The following BABAM2 variants were observed in gnomAD, a reference collection of about 807,000 sequenced individuals.
BABAM2 encodes BRISC and BRCA1-A complex member 2.
Under a neutral mutation model 54.7 loss-of-function variants are expected in BABAM2, and 31 were observed. The observed-to-expected ratio is 0.57, with a 90% CI of 0.43 to 0.77. The LOEUF (loss-of-function observed/expected upper bound fraction) is 0.77, where lower values mean the gene tolerates loss of function less well. Ranked by LOEUF, BABAM2 falls within the 30% of genes least tolerant of loss-of-function variation. The pLI is 0.00. For missense variants in BABAM2, 364 were observed against 455.8 expected (o/e 0.80, Z 1.83); for synonymous variants, 167 against 162.9 (o/e 1.03, Z -0.19).
chr2:27,929,574 G>A (rs1667948945), intron 2 of BABAM2, among the ~76,000 whole-genome samples: 1 of 152,216 alleles, frequency 6.6e-6, no homozygotes, highest in Non-Finnish European at 1.5e-5. Context: ...TTTGAGAAAA[G>A]TAGTTGAAGC....
intron 4 of BABAM2, among the ~76,000 whole-genome samples, chr2:28,002,060 T>TG (rs1553409728): frequency 1.4e-5 from 2 of 140,084 alleles, no homozygotes; most frequent in Non-Finnish European, 1.5e-5. Context: ...ATCAAACAGG[T>TG]AAAAAAAAAA....
rs911040966 is a variant in BABAM2 at position 28,072,011 on chromosome 2, T to A, written c.570+26212T>A. ...CAAATCTGAAACTAAACATTTTTTT[T>A]AAACCTGGATTCTGTTTGTTTTGTT... is the stretch of plus-strand genomic sequence containing the variant. On this transcript the variant is annotated intron_variant, in intron 6 of 11. Coordinates refer to ENST00000379624, the MANE Select transcript of BABAM2 (RefSeq NM_199191.3). Among the ~76,000 whole-genome samples the A allele has an allele frequency of 3.3e-5, 5 of 152,188 alleles. No homozygotes were observed. The South Asian group carries it at 1.0e-3, about 32-fold the overall frequency.
chr2:28,244,442 A>G (rs2148077088), intron 9 of BABAM2, among the ~76,000 whole-genome samples: 1 of 109,964 alleles, frequency 9.1e-6, no homozygotes, highest in East Asian at 4.8e-4. Context: ...ACATTTGTAT[A>G]GTATTTTATG....
intron 5 of BABAM2, among the ~76,000 whole-genome samples, chr2:28,025,652 A>G (rs1409258613): frequency 6.6e-6 from 1 of 152,166 alleles, no homozygotes; most frequent in Non-Finnish European, 1.5e-5. Context: ...CCCCAGCCCC[A>G]GATATTCAGC....
intron 7 of BABAM2, among the ~76,000 whole-genome samples, chr2:28,145,435 A>G (rs1452578856): frequency 6.6e-6 from 1 of 152,182 alleles, no homozygotes; most frequent in South Asian, 2.1e-4. Context: ...AGAGATACCT[A>G]CTAAGGGCCA....
intron 7 of BABAM2, among the ~76,000 whole-genome samples, chr2:28,211,360 T>C (rs1207882537): frequency 1.3e-5 from 2 of 150,950 alleles, no homozygotes; most frequent in Non-Finnish European, 2.9e-5. Context: ...GTCATACTTA[T>C]CCATGTATAG....
At chr2:28,208,687 G>A (rs974046) in intron 7 of BABAM2, among the ~76,000 whole-genome samples, 140,052 of 151,116 alleles carry the variant, frequency 0.93, 65,756 homozygotes, top group East Asian at 1. Context: ...ATGAGTGCTC[G>A]CCCTTTTCTC....
At chr2:28,125,250 A>C (rs1669408794) in intron 6 of BABAM2, among the ~76,000 whole-genome samples, 1 of 152,104 alleles carries the variant, frequency 6.6e-6, no homozygotes, top group Admixed American at 6.5e-5. Flanking sequence ...CCAAATGTGA[A>C]TTGTTGCAAA....
At chr2:28,130,522 G>T (rs1459477935) in intron 7 of BABAM2, among the ~76,000 whole-genome samples, 1 of 151,950 alleles carries the variant, frequency 6.6e-6, no homozygotes, top group African/African-American at 2.4e-5. Context: ...GCATGCTTAT[G>T]GCTCACTGCA....
At chr2:28,263,121 G>A (rs1166916600) in intron 10 of BABAM2, among the ~76,000 whole-genome samples, 6 of 114,110 alleles carry the variant, frequency 5.3e-5, no homozygotes, top group African/African-American at 2.0e-4. Flanking sequence ...GTAACAGCAA[G>A]ACACTGTCTC....
At position 28,321,107 on chromosome 2, in the gene BABAM2, GA is replaced by G. The variant is rs1689987997; in HGVS notation, c.1089-17340del. 4.6e-5 allele frequency among the ~76,000 whole-genome samples: 7 copies of G among 152,278 alleles called. No homozygotes were observed. In the South Asian group the frequency reaches 1.5e-3, roughly 32 times the overall value. On this transcript the variant is annotated intron_variant, in intron 11 of 11. Transcript: ENST00000379624. ...CAATAACTGTTTGTTGAGTTAACGT[GA>G]AACAGGAGGTCCTCAATGTGTGTGT...
rs115279573 is a variant in BABAM2, at chr2:28,145,138, C to T, written c.680+15758C>T. Among the ~76,000 whole-genome samples the T allele has an allele frequency of 1.7e-3, 252 of 152,350 alleles. 1 individual carries two copies. The highest frequency in any genetic ancestry group is 5.8e-3 in the African/African-American group (240 of 41,574). ...ATACTTACTAAACACTTGAGAATCA[C>T]TGATCTTTCCAGTGTGGTGTGACTT... On this transcript the variant is annotated intron_variant, in intron 7 of 11. Coordinates refer to ENST00000379624, the MANE Select transcript of BABAM2 (RefSeq NM_199191.3).
intron 4 of BABAM2, among the ~76,000 whole-genome samples, chr2:28,024,474 A>G (rs1675509186): frequency 1.3e-5 from 2 of 152,174 alleles, no homozygotes; most frequent in Admixed American, 1.3e-4. Context: ...ACCCTTGAGT[A>G]CACATGCTTT....
chr2:28,077,679 A>G (rs1200914912), intron 6 of BABAM2, among the ~76,000 whole-genome samples: 1 of 152,030 alleles, frequency 6.6e-6, no homozygotes, highest in African/African-American at 2.4e-5. Flanking sequence ...GTTTGATCCT[A>G]TCTCTTTATT....
chr2:28,242,751 T>C (rs1253798634), intron 9 of BABAM2, among the ~76,000 whole-genome samples: 1 of 152,146 alleles, frequency 6.6e-6, no homozygotes, highest in Non-Finnish European at 1.5e-5. Flanking sequence ...TTTTAAGACA[T>C]TTTTCTCATT....
chr2:28,053,224 T>A (rs1375429275), intron 6 of BABAM2, among the ~76,000 whole-genome samples: 4 of 152,232 alleles, frequency 2.6e-5, no homozygotes, highest in Non-Finnish European at 5.9e-5. Context: ...CTCCTCTGAA[T>A]TTGAGACTTT....
intron 11 of BABAM2, among the ~76,000 whole-genome samples, chr2:28,301,063 G>A (rs1470802721): frequency 6.6e-6 from 1 of 152,208 alleles, no homozygotes; most frequent in Non-Finnish European, 1.5e-5. Flanking sequence ...GACAAAGGAT[G>A]GAAAGAGAGG....
At chr2:28,170,117 A>T (rs1477382112) in intron 7 of BABAM2, among the ~76,000 whole-genome samples, 1 of 152,118 alleles carries the variant, frequency 6.6e-6, no homozygotes, top group East Asian at 1.9e-4. Flanking sequence ...AAAATTTGAA[A>T]TTTTATAAAT....
In BABAM2 at chr2:28,089,286, A is replaced by G. The variant is rs767407318; in HGVS notation, c.571-39985A>G. Among the ~76,000 whole-genome samples the G allele has an allele frequency of 2.6e-5, 4 of 152,148 alleles. No homozygotes were observed. The South Asian group carries it at 6.2e-4, about 24-fold the overall frequency. On this transcript the variant is annotated intron_variant, in intron 6 of 11. Transcript: ENST00000379624. Reference sequence around the variant, plus strand: ...AAATAAAGCGCGGAAAGCCAAACCTATGGAAGAATAACAAATATTGCAATT... The same window carrying G: ...AAATAAAGCGCGGAAAGCCAAACCTGTGGAAGAATAACAAATATTGCAATT...
Sources: gnomAD v4.1 joint callset for allele counts (sites outside exome capture counted in the v4.1 genomes callset) on GRCh38, gnomAD v4.1.1 for gene constraint, MANE v1.5 for transcripts, NCBI Gene and HGNC (gene_info 2026-07-23, HGNC 2026-07-21) for gene names.